The following GALNT13 variants were observed in gnomAD, a reference collection of about 807,000 sequenced individuals.
The protein encoded by GALNT13 is polypeptide N-acetylgalactosaminyltransferase 13.
Under a neutral mutation model 64.2 loss-of-function variants are expected in GALNT13, and 28 were observed. That is an observed-to-expected ratio of 0.44 (90% confidence interval 0.32 to 0.60). The LOEUF (loss-of-function observed/expected upper bound fraction) is 0.60. Among genes scored for constraint, GALNT13 ranks in the 20% least tolerant of loss-of-function variants. The pLI is 0.05. For missense variants in GALNT13, 577 were observed against 669.8 expected, an observed-to-expected ratio of 0.86 and a Z score of 1.53; for synonymous variants, 214 against 224.6, an observed-to-expected ratio of 0.95 and a Z score of 0.42.
At chr2:153,265,595 C>T in the GALNT13 span, among the ~76,000 whole-genome samples, 1 of 152,138 alleles carries the variant, frequency 6.6e-6, no homozygotes, top group Non-Finnish European at 1.5e-5. Context: ...TTTGTACCCT[C>T]TTTAGTGTCT....
the GALNT13 span, among the ~76,000 whole-genome samples, chr2:153,183,486 T>C: frequency 4.6e-5 from 7 of 152,356 alleles, no homozygotes; most frequent in Admixed American, 1.3e-4. Context: ...AGATCTCATT[T>C]GTCAATTTTT....
the GALNT13 span, among the ~76,000 whole-genome samples, chr2:153,401,447 T>C: frequency 8.0e-5 from 12 of 150,174 alleles, no homozygotes; most frequent in Admixed American, 7.9e-4. Flanking sequence ...TAGGTCTGCT[T>C]GGTGCAGAGC....
the GALNT13 span, among the ~76,000 whole-genome samples, chr2:153,722,043 C>A: frequency 1.3e-5 from 2 of 149,232 alleles, no homozygotes; most frequent in East Asian, 4.0e-4. Context: ...CCAAAATTGA[C>A]CACATAGTTG....
At chr2:153,984,888 A>G (rs144187593) in intron 3 of GALNT13, among the ~76,000 whole-genome samples, 1 of 151,846 alleles carries the variant, frequency 6.6e-6, no homozygotes, top group African/African-American at 2.4e-5. Context: ...AATTGTATCC[A>G]GTTCTTTACT....
At chr2:154,087,518 C>A (rs1701590808) in intron 3 of GALNT13, among the ~76,000 whole-genome samples, 1 of 152,008 alleles carries the variant, frequency 6.6e-6, no homozygotes, top group South Asian at 2.1e-4. Flanking sequence ...TTGACTAAGT[C>A]TATGCTATCA....
the GALNT13 span, among the ~76,000 whole-genome samples, chr2:153,148,156 A>G: frequency 6.6e-6 from 1 of 151,906 alleles, no homozygotes; most frequent in Non-Finnish European, 1.5e-5. Flanking sequence ...GAAATACAAT[A>G]GACATAATCC....
At chr2:153,684,246 TTA>T in the GALNT13 span, among the ~76,000 whole-genome samples, 3 of 151,794 alleles carry the variant, frequency 2.0e-5, no homozygotes, top group East Asian at 5.8e-4. Context: ...GTATGAATTT[TTA>T]TGTTTTCTTT....
At chr2:154,300,716 A>G (rs1693394761) in intron 8 of GALNT13, among the ~76,000 whole-genome samples, 1 of 152,134 alleles carries the variant, frequency 6.6e-6, no homozygotes, top group Non-Finnish European at 1.5e-5. Flanking sequence ...TACACAGTGA[A>G]TTCTAGGATA....
chr2:153,257,979 A>G, the GALNT13 span, among the ~76,000 whole-genome samples: 1 of 152,144 alleles, frequency 6.6e-6, no homozygotes, highest in East Asian at 1.9e-4. Flanking sequence ...TAAGTAAAGA[A>G]TGTCACTTTC....
the GALNT13 span, among the ~76,000 whole-genome samples, chr2:153,800,869 A>AT: frequency 1.3e-5 from 2 of 152,190 alleles, no homozygotes; most frequent in Non-Finnish European, 2.9e-5. Flanking sequence ...TTACTTCCAC[A>AT]TTGAAAATCT....
At chr2:153,237,192 T>A in the GALNT13 span, among the ~76,000 whole-genome samples, 1 of 152,014 alleles carries the variant, frequency 6.6e-6, no homozygotes, top group Non-Finnish European at 1.5e-5. Context: ...AAAATACGTT[T>A]TTCCTCTTAA....
At chr2:153,109,104 C>A in the GALNT13 span, among the ~76,000 whole-genome samples, 1 of 152,142 alleles carries the variant, frequency 6.6e-6, no homozygotes, top group African/African-American at 2.4e-5. Flanking sequence ...AGAACTACTT[C>A]TTAATACATC....
intron 4 of GALNT13, among the ~76,000 whole-genome samples, chr2:154,199,298 GAAGA>G (rs1687046465): frequency 6.6e-6 from 1 of 151,922 alleles, no homozygotes; most frequent in South Asian, 2.1e-4. Context: ...TGGAATGCAA[GAAGA>G]AAGGGGAAGC....
chr2:154,035,142 T>C (rs541535951), intron 3 of GALNT13, among the ~76,000 whole-genome samples: 1 of 152,204 alleles, frequency 6.6e-6, no homozygotes, highest in South Asian at 2.1e-4. Flanking sequence ...AATGAATGAT[T>C]GGATAAAGTA....
chr2:153,871,281 C>T (rs985192478), upstream of GALNT13, among the ~76,000 whole-genome samples: 2 of 152,218 alleles, frequency 1.3e-5, no homozygotes, highest in Admixed American at 6.5e-5. Context: ...CACAAGGAAG[C>T]GCTCTGTGTT....
chr2:153,947,307 CT>C (rs1691829268), intron 3 of GALNT13, among the ~76,000 whole-genome samples: 1 of 151,738 alleles, frequency 6.6e-6, no homozygotes, highest in Admixed American at 6.6e-5. Flanking sequence ...ACATTTTTGT[CT>C]TTCTGTATGT....
chr2:153,770,651 C>T, the GALNT13 span, among the ~76,000 whole-genome samples: 5 of 152,204 alleles, frequency 3.3e-5, no homozygotes, highest in Non-Finnish European at 7.3e-5. Context: ...ATATACCCAT[C>T]TACATCATCA....
chr2:154,449,042 C>G (rs1701738134), intron 12 of GALNT13, among the ~76,000 whole-genome samples: 1 of 151,814 alleles, frequency 6.6e-6, no homozygotes, highest in Non-Finnish European at 1.5e-5. Context: ...TTTATTTTTT[C>G]AAGCTGGCTA....
At chr2:153,265,542 A>G in the GALNT13 span, among the ~76,000 whole-genome samples, 1 of 152,186 alleles carries the variant, frequency 6.6e-6, no homozygotes, top group Non-Finnish European at 1.5e-5. Flanking sequence ...AGACTGCTGC[A>G]GAAGGATGGG....
Sources: gnomAD v4.1 joint callset for allele counts (sites outside exome capture counted in the v4.1 genomes callset) on GRCh38, gnomAD v4.1.1 for gene constraint, MANE v1.5 for transcripts, NCBI Gene and HGNC (gene_info 2026-07-23, HGNC 2026-07-21) for gene names.